HSD17B12: variants seen among roughly 807,000 people sequenced by gnomAD.
HSD17B12 encodes the protein very-long-chain 3-oxoacyl-CoA reductase.
Under a neutral mutation model 39.3 loss-of-function variants are expected in HSD17B12, and 32 were observed. The observed-to-expected ratio is 0.81, with a 90% CI of 0.61 to 1.09. The LOEUF (loss-of-function observed/expected upper bound fraction) is 1.09, where lower values mean the gene tolerates loss of function less well. Ranked by LOEUF, HSD17B12 falls within the 50% of genes least tolerant of loss-of-function variation. The pLI is 0.00. For synonymous variants in HSD17B12, 150 were observed against 146.7 expected, an observed-to-expected ratio of 1.02 and a Z score of -0.16; for missense variants, 342 against 382.9, an observed-to-expected ratio of 0.89 and a Z score of 0.89.
chr11:43,753,574 T>A (rs28728295), intron 2 of HSD17B12, among the ~76,000 whole-genome samples: 43 of 143,042 alleles, frequency 3.0e-4, no homozygotes, highest in Middle Eastern at 3.6e-3. Context: ...AAAAAAAAAA[T>A]TTTTTTTTTT....
the HSD17B12 span, among the ~76,000 whole-genome samples, chr11:43,620,783 G>A: frequency 9.7e-3 from 1,473 of 152,266 alleles, 22 homozygotes; most frequent in African/African-American, 0.034. Context: ...CGAGAACTCT[G>A]GTCCATTTGT....
At chr11:43,841,490 C>G (rs1951425546) in intron 9 of HSD17B12, among the ~76,000 whole-genome samples, 1 of 152,038 alleles carries the variant, frequency 6.6e-6, no homozygotes, top group African/African-American at 2.4e-5. Flanking sequence ...GAAGCTTTTC[C>G]CCTGTTTTCC....
chr11:43,741,102 T>C lies in HSD17B12; in HGVS notation c.161-9809T>C, dbSNP rs1454518815. On this transcript the variant is annotated intron_variant, in intron 1 of 10. Coordinates refer to ENST00000278353, the MANE Select transcript of HSD17B12 (RefSeq NM_016142.3). The stretch of plus-strand genomic sequence containing the variant: ...GTTTTATTTGGTTTTCATTGAAAAT[T>C]GGTATTATAAGGGTGGGAGTGTTTA... 3.3e-5 allele frequency among the ~76,000 whole-genome samples: 5 copies of C among 152,198 alleles called. No individual in the cohort carries two copies. In the East Asian group the frequency reaches 9.6e-4, roughly 29 times the overall value.
intron 1 of HSD17B12, among the ~76,000 whole-genome samples, chr11:43,706,736 G>C (rs1950020089): frequency 7.3e-6 from 1 of 136,274 alleles, no homozygotes; most frequent in South Asian, 2.4e-4. Context: ...GGGGGTGGGT[G>C]TGCATTCTTT....
At chr11:43,665,148 T>A in the HSD17B12 span, among the ~76,000 whole-genome samples, 1 of 152,210 alleles carries the variant, frequency 6.6e-6, no homozygotes, top group African/African-American at 2.4e-5. Context: ...TCTGACACAG[T>A]GCATAGATTG....
At chr11:43,754,422 A>G (rs1950491957) in intron 3 of HSD17B12, among the ~76,000 whole-genome samples, 1 of 152,074 alleles carries the variant, frequency 6.6e-6, no homozygotes, top group Non-Finnish European at 1.5e-5. Context: ...AAAATTAAAA[A>G]AAAATTAGCC....
chr11:43,629,828 G>A, the HSD17B12 span, among the ~76,000 whole-genome samples: 2 of 152,178 alleles, frequency 1.3e-5, no homozygotes, highest in African/African-American at 4.8e-5. Context: ...TAAGTAGGGA[G>A]GATGCAGTGT....
At chr11:43,731,400 T>C (rs1950265892) in intron 1 of HSD17B12, among the ~76,000 whole-genome samples, 1 of 152,202 alleles carries the variant, frequency 6.6e-6, no homozygotes, top group Non-Finnish European at 1.5e-5. Flanking sequence ...CCACTGAAGA[T>C]AAGTTAGCTA....
chr11:43,610,288 C>T, the HSD17B12 span, among the ~76,000 whole-genome samples: 2 of 152,102 alleles, frequency 1.3e-5, no homozygotes, highest in African/African-American at 4.8e-5. Context: ...CTACATAGTC[C>T]TGGAGTCCGA....
chr11:43,735,698 T>C (rs1950310012), intron 1 of HSD17B12, among the ~76,000 whole-genome samples: 2 of 152,194 alleles, frequency 1.3e-5, no homozygotes, highest in South Asian at 4.1e-4. Flanking sequence ...ATGTGTGGGT[T>C]GTTGTATTAG....
intron 9 of HSD17B12, among the ~76,000 whole-genome samples, chr11:43,847,622 A>T (rs1483233460): frequency 6.7e-6 from 1 of 149,228 alleles, no homozygotes; most frequent in Non-Finnish European, 1.5e-5. Flanking sequence ...CAGGAGAATC[A>T]CTTGAGCCCA....
intron 2 of HSD17B12, among the ~76,000 whole-genome samples, chr11:43,753,179 T>C (rs916239738): frequency 4.6e-5 from 7 of 152,180 alleles, no homozygotes; most frequent in African/African-American, 1.7e-4. Flanking sequence ...CACTTACATA[T>C]GCTGGGTATG....
At chr11:43,642,768 T>A in the HSD17B12 span, among the ~76,000 whole-genome samples, 4 of 151,902 alleles carry the variant, frequency 2.6e-5, no homozygotes, top group African/African-American at 9.7e-5. Context: ...CAAATATATA[T>A]GAATATATAA....
chr11:43,849,373 C>T (rs1463518416), intron 9 of HSD17B12, among the ~76,000 whole-genome samples: 1 of 152,200 alleles, frequency 6.6e-6, no homozygotes, highest in Non-Finnish European at 1.5e-5. Context: ...CTTGGCTTCT[C>T]ATCTCTTTCA....
chr11:43,768,463 G>C (rs1210552816), intron 3 of HSD17B12, among the ~76,000 whole-genome samples: 1 of 152,080 alleles, frequency 6.6e-6, no homozygotes, highest in East Asian at 1.9e-4. Flanking sequence ...GTCCAGAGTT[G>C]GTTCCTTCTG....
At chr11:43,755,923 A>T (rs1422339047) in intron 3 of HSD17B12, among the ~76,000 whole-genome samples, 1 of 152,242 alleles carries the variant, frequency 6.6e-6, no homozygotes, top group Non-Finnish European at 1.5e-5. Flanking sequence ...AGGAGGCCTC[A>T]CAATCATGGC....
At chr11:43,855,031 T>C (rs893205639) in intron 10 of HSD17B12, 113 bp from the exon 11 acceptor site, 6 of 1,081,316 alleles carry the variant, frequency 5.5e-6, no homozygotes, top group African/African-American at 3.2e-5. Context: ...CCAAGAACTT[T>C]AAAATCTACC....
the HSD17B12 span, among the ~76,000 whole-genome samples, chr11:43,612,570 T>C: frequency 6.6e-6 from 1 of 152,088 alleles, no homozygotes; most frequent in Non-Finnish European, 1.5e-5. Flanking sequence ...GAGACAACCA[T>C]GAACAAGAGA....
chr11:43,649,616 A>G, the HSD17B12 span, among the ~76,000 whole-genome samples: 1 of 152,242 alleles, frequency 6.6e-6, no homozygotes, highest in Admixed American at 6.5e-5. Context: ...TGTGTTTACC[A>G]AAGGTGGCCA....
Sources: gnomAD v4.1 joint callset for allele counts (sites outside exome capture counted in the v4.1 genomes callset) on GRCh38, gnomAD v4.1.1 for gene constraint, MANE v1.5 for transcripts, NCBI Gene and HGNC (gene_info 2026-07-23, HGNC 2026-07-21) for gene names.